The following RBFOX1 variants were observed in gnomAD, a reference collection of about 807,000 sequenced individuals.
The protein encoded by RBFOX1 is RNA binding fox-1 homolog 1.
In RBFOX1, 8 loss-of-function variants were observed where a neutral mutation model predicts 57.7. That is an observed-to-expected ratio of 0.14 (90% confidence interval 0.08 to 0.25). The LOEUF is 0.25. RBFOX1 is among the 10% of genes least tolerant of loss of function. RBFOX1 has a pLI of 1.00. For synonymous variants in RBFOX1, 326 were observed against 222.4 expected (o/e 1.47, Z -4.15); for missense variants, 611 against 548.5 (o/e 1.11, Z -1.14).
chr16:7,474,004 C>T (rs764197644), intron 4 of RBFOX1, among the ~76,000 whole-genome samples: 1 of 152,058 alleles, frequency 6.6e-6, no homozygotes, highest in Non-Finnish European at 1.5e-5. Flanking sequence ...AAAACAGCCC[C>T]CCGGCCGGGC....
At chr16:7,342,789 A>G (rs1265910534) in intron 4 of RBFOX1, among the ~76,000 whole-genome samples, 1 of 152,124 alleles carries the variant, frequency 6.6e-6, no homozygotes, top group Non-Finnish European at 1.5e-5. Context: ...CTGGTATAAA[A>G]GCCACCATCC....
At chr16:7,627,315 T>A (rs937663719) in intron 10 of RBFOX1, among the ~76,000 whole-genome samples, 1 of 152,060 alleles carries the variant, frequency 6.6e-6, no homozygotes, top group African/African-American at 2.4e-5. Flanking sequence ...GTGTTGAGAA[T>A]GATTGTGAGG....
In RBFOX1 at chr16:7,023,555, C is replaced by T. The variant is rs1294230230; in HGVS notation, c.-15-28502C>T. Among the ~76,000 whole-genome samples, 4 of 83,400 alleles carry T rather than the reference C, an allele frequency of 4.8e-5. No homozygotes were observed. The South Asian group carries it at 1.6e-3, about 33-fold the overall frequency. The allele number at this position is 83,400 out of a possible 152,430, so 54.7% of individuals were successfully genotyped here. Reference sequence around the variant, plus strand: ...CAGCCTGGCCAACATGGTGAAACTTCGTCTGTACTAAAAAAAAAAAAAAAA... The same window carrying T: ...CAGCCTGGCCAACATGGTGAAACTTTGTCTGTACTAAAAAAAAAAAAAAAA... On this transcript the variant is annotated intron_variant, in intron 3 of 15. Transcript: ENST00000550418.
chr16:7,086,721 T>TACACACACACACACACACACAC (rs71280731), intron 4 of RBFOX1, among the ~76,000 whole-genome samples: 1,688 of 149,558 alleles, frequency 0.011, 31 homozygotes, highest in African/African-American at 0.039. Flanking sequence ...GAAGAATGTA[T>TACACACACACACACACACACAC]ACACACACAC....
At chr16:6,967,840 A>G (rs1446098979) in intron 3 of RBFOX1, among the ~76,000 whole-genome samples, 1 of 152,158 alleles carries the variant, frequency 6.6e-6, no homozygotes, top group African/African-American at 2.4e-5. Flanking sequence ...GTTTAGAAGC[A>G]ACCAGACATA....
chr16:5,914,834 G>A (rs1223640226), intron 4 of RBFOX1, among the ~76,000 whole-genome samples: 1 of 152,068 alleles, frequency 6.6e-6, no homozygotes, highest in Non-Finnish European at 1.5e-5. Flanking sequence ...GGCGGAGCTT[G>A]CAGTGAGCCG....
chr16:7,120,003 C>G (rs927971616), intron 4 of RBFOX1, among the ~76,000 whole-genome samples: 7 of 151,322 alleles, frequency 4.6e-5, no homozygotes, highest in Non-Finnish European at 8.9e-5. Flanking sequence ...AGTTGCTTTC[C>G]TCTGACAAAA....
intron 1 of RBFOX1, among the ~76,000 whole-genome samples, chr16:5,447,533 G>A (rs1418000986): frequency 2.0e-5 from 3 of 152,122 alleles, no homozygotes; most frequent in Non-Finnish European, 4.4e-5. Context: ...GAATAGCTGG[G>A]ATTACAGGCA....
At chr16:6,124,754 C>A (rs1346520603) in intron 1 of RBFOX1, among the ~76,000 whole-genome samples, 2 of 152,094 alleles carry the variant, frequency 1.3e-5, no homozygotes, top group Admixed American at 6.6e-5. Context: ...TCTCAAACTC[C>A]TGACCTCAAG....
At chr16:7,115,549 C>A (rs757602294) in intron 4 of RBFOX1, among the ~76,000 whole-genome samples, 1 of 152,200 alleles carries the variant, frequency 6.6e-6, no homozygotes, top group African/African-American at 2.4e-5. Context: ...GGGACCTTCA[C>A]TGAGCTCTCT....
chr16:7,324,346 T>G (rs1178066536), intron 4 of RBFOX1, among the ~76,000 whole-genome samples: 6 of 151,978 alleles, frequency 3.9e-5, no homozygotes, highest in Non-Finnish European at 5.9e-5. Flanking sequence ...CTGTTAGGAG[T>G]GGCCTCTGTG....
chr16:6,126,616 G>A (rs1016752954), intron 1 of RBFOX1, among the ~76,000 whole-genome samples: 1 of 152,126 alleles, frequency 6.6e-6, no homozygotes, highest in East Asian at 1.9e-4. Context: ...TACCAGGTCA[G>A]GTATGATGGG....
chr16:7,554,958 A>G (rs2087852568), intron 5 of RBFOX1, among the ~76,000 whole-genome samples: 1 of 152,212 alleles, frequency 6.6e-6, no homozygotes, highest in Non-Finnish European at 1.5e-5. Context: ...GTAGAACACT[A>G]AGGAAATGAA....
intron 3 of RBFOX1, among the ~76,000 whole-genome samples, chr16:6,799,105 C>A (rs1465112252): frequency 6.6e-6 from 1 of 151,936 alleles, no homozygotes; most frequent in Non-Finnish European, 1.5e-5. Context: ...CGGTGACTAG[C>A]TGATGCAGGT....
chr16:6,409,682 G>A (rs1194496463), intron 2 of RBFOX1, among the ~76,000 whole-genome samples: 1 of 152,108 alleles, frequency 6.6e-6, no homozygotes, highest in Non-Finnish European at 1.5e-5. Flanking sequence ...TTGTAGTGGA[G>A]GGGAAAAAGG....
intron 1 of RBFOX1, among the ~76,000 whole-genome samples, chr16:6,122,820 G>GTGTGTGTGTGTGTC (rs1281559135): frequency 7.2e-5 from 11 of 151,812 alleles, no homozygotes; most frequent in African/African-American, 2.4e-4. Context: ...GTGTGTGTGT[G>GTGTGTGTGTGTGTC]TGTGTGTGTG....
At chr16:6,239,337 CCA>C (rs2152923036) in intron 1 of RBFOX1, among the ~76,000 whole-genome samples, 1 of 152,100 alleles carries the variant, frequency 6.6e-6, no homozygotes, top group Admixed American at 6.6e-5. Flanking sequence ...TCCGAAGGGA[CCA>C]CAGTGTCCAA....
intron 3 of RBFOX1, among the ~76,000 whole-genome samples, chr16:6,866,541 A>ATTTTTTTT (rs56678526): frequency 0.18 from 14,080 of 77,684 alleles, 2,617 homozygotes; most frequent in Non-Finnish European, 0.23. Context: ...CTTTCCTTCT[A>ATTTTTTTT]TTTTTTTTTT....
At chr16:5,492,643 G>C (rs953693387) in intron 2 of RBFOX1, among the ~76,000 whole-genome samples, 1 of 152,158 alleles carries the variant, frequency 6.6e-6, no homozygotes, top group Admixed American at 6.5e-5. Flanking sequence ...TGAGTGAGTC[G>C]TTTGGATGAA....
Sources: allele counts gnomAD v4.1 joint callset (sites outside exome capture counted in the v4.1 genomes callset), GRCh38; gene constraint gnomAD v4.1.1; transcripts MANE v1.5; gene names NCBI Gene and HGNC (gene_info 2026-07-23, HGNC 2026-07-21).